Variants in CARD9 observed in about 807,000 individuals in gnomAD.
The protein encoded by CARD9 is caspase recruitment domain family member 9.
A neutral mutation model predicts 66.0 loss-of-function variants in CARD9; 53 were observed. The ratio of observed to expected loss-of-function variants is 0.80; its 90% confidence interval spans 0.64 to 1.01. CARD9 has a LOEUF of 1.01. Ranked by LOEUF, CARD9 falls within the 50% of genes least tolerant of loss-of-function variation. The pLI, the probability that CARD9 is intolerant of heterozygous loss-of-function variation, is 0.00. For synonymous variants in CARD9, 387 were observed against 313.8 expected (o/e 1.23, Z -2.47); for missense variants, 769 against 743.2 (o/e 1.03, Z -0.40).
In CARD9 at chr9:136,372,054, C is replaced by G; in HGVS notation, c.25G>C (p.Glu9Gln). Residue 9 changes from glutamate to glutamine, a missense_variant, in exon 2 of 13, where the codon GAG (glutamate) becomes CAG (glutamine). Coordinates refer to ENST00000371732, the MANE Select transcript of CARD9 (RefSeq NM_052813.5). ...AAGCCCTCCAGGACGCTCCAGCACT[C>G]GTCATCGTTCTCGTAGTCCGACATG... is the stretch of plus-strand genomic sequence containing the variant. MSDYENDDECWSVLEGFRV... is the reference protein window; with the variant it reads MSDYENDDQCWSVLEGFRV... The G allele has an allele frequency of 1.9e-6, 3 of 1,612,714 alleles. No homozygotes were observed. The highest frequency in any genetic ancestry group is 2.5e-6 in the Non-Finnish European group (3 of 1,179,972).
rs1833323490 is a variant in CARD9, at chr9:136,373,473, T to C, written c.-17+59A>G. 5.1e-6 allele frequency: 5 copies of C among 984,860 alleles called. No individual in the cohort carries two copies. The South Asian group carries it at 1.4e-4, about 28-fold the overall frequency. 61.0% of individuals were successfully genotyped at this position (984,860 alleles called of 1,614,324 possible). A position where few individuals can be genotyped will look rare whatever the true frequency, so the allele number is the denominator to read the frequency against. On this transcript the variant is annotated intron_variant, in intron 1 of 12. Transcript: ENST00000371732. ...CTCTGGGGGATCAGTGCCAGGATCC[T>C]GAACTAGGCCAACGCCAACCTTCCT...
In CARD9 at chr9:136,373,628, G is replaced by A. The variant is rs3812557; in HGVS notation, c.-113C>T. 41 of 968,668 alleles carry A rather than the reference G, an allele frequency of 4.2e-5. No homozygotes were observed. In the East Asian group the frequency reaches 2.9e-3, roughly 69 times the overall value. The allele number at this position is 968,668 out of a possible 1,614,324, so 60.0% of individuals were successfully genotyped here. On this transcript the variant is annotated 5_prime_UTR_variant, in exon 1 of 13. Transcript: ENST00000371732. ...GCTGCCCGGGGCTGCAGGGAGGGAG[G>A]AGCACGCCGGACGCCTGTGCACTTC... is the stretch of plus-strand genomic sequence containing the variant.
chr9:136,370,695 G>A lies in CARD9; in HGVS notation c.634C>T (p.Gln212Ter), dbSNP rs1833243808. ...GCCTTCATGAGGCTGTGCTTGAGCT[G>A]GTCAATCTGCAGAAGGTCCAGTGAG... ...RNRDLQLEID[Q>*]LKHSLMKAED... is the part of the protein sequence containing the mutation. Residue 212 changes from glutamine to a stop codon, truncating the protein, a stop_gained, in exon 5 of 13, where the codon CAG becomes TAG. Coordinates refer to ENST00000371732, the MANE Select transcript of CARD9 (RefSeq NM_052813.5). LOFTEE classifies it high-confidence loss of function. 4 of 1,612,608 alleles carry A rather than the reference G, an allele frequency of 2.5e-6. No homozygotes were observed. The highest frequency in any genetic ancestry group is 2.5e-6 in the Non-Finnish European group (3 of 1,179,874).
intron 1 of CARD9, 131 bp from the exon 2 acceptor site, chr9:136,372,225 C>T: frequency 1.6e-6 from 2 of 1,273,792 alleles, no homozygotes; most frequent in Non-Finnish European, 2.2e-6. Context: ...CAGGGGCATC[C>T]AGGAGAGGTG....
intron 1 of CARD9, among the ~76,000 whole-genome samples, chr9:136,372,761 C>T (rs1007777943): frequency 2.0e-5 from 3 of 152,218 alleles, no homozygotes; most frequent in Non-Finnish European, 2.9e-5. Flanking sequence ...CTGCACTGGC[C>T]GGGAAGAGCT....
Position 136,370,830 on chromosome 9 carries a change from A to C in CARD9, c.627+11T>G, listed in dbSNP as rs1833248599. ...GAGGGTGGCCTGGTTTCCCGGGGGCAGCGGGCGCACCTCCAGCTGCAGGTC... is the reference window on the plus strand; with the variant it reads ...GAGGGTGGCCTGGTTTCCCGGGGGCCGCGGGCGCACCTCCAGCTGCAGGTC... On this transcript the variant is annotated intron_variant, in intron 4 of 12. Transcript: ENST00000371732. The C allele has an allele frequency of 1.3e-6, 2 of 1,593,470 alleles. No individual in the cohort carries two copies. The highest frequency in any genetic ancestry group is 1.3e-5 in the African/African-American group (1 of 74,518).
rs574875789 is a variant in CARD9, at chr9:136,373,041, CCTCT to C, written c.-17+487_-17+490del. Among the ~76,000 whole-genome samples the C allele has an allele frequency of 2.6e-4, 39 of 152,354 alleles. No homozygotes were observed. The East Asian group carries it at 3.5e-3, about 14-fold the overall frequency. On this transcript the variant is annotated intron_variant, in intron 1 of 12. Transcript: ENST00000371732. ...GGGCCTCAGCCGCTGAAAGCCACTC[CCTCT>C]GAGACTGGGACTGCGGCAAGGCTGG... is the stretch of plus-strand genomic sequence containing the variant.
chr9:136,370,059 G>A (rs566945950), intron 6 of CARD9, 184 bp from the exon 7 acceptor site: 74 of 1,404,744 alleles, frequency 5.3e-5, no homozygotes, highest in Middle Eastern at 5.2e-4. Context: ...AGGGCCCTCC[G>A]GCAGGCCTCA....
intron 2 of CARD9, 60 bp from the exon 3 acceptor site, chr9:136,371,521 G>T: frequency 2.0e-6 from 3 of 1,479,712 alleles, no homozygotes; most frequent in East Asian, 2.5e-5. Flanking sequence ...GGCTGGGGTG[G>T]GTGGGCCTGG....
intron 7 of CARD9, among the ~76,000 whole-genome samples, chr9:136,368,160 G>A (rs72775750): frequency 0.021 from 3,196 of 152,326 alleles, 74 homozygotes; most frequent in Admixed American, 0.063. Context: ...ATAGCTAAGC[G>A]TCCTTCGTGA....
Position 136,370,568 on chromosome 9 carries a change from T to C in CARD9, c.761A>G (p.Lys254Arg), listed in dbSNP as rs537666229. 3.1e-6 allele frequency: 5 copies of C among 1,611,056 alleles called. No individual in the cohort carries two copies. The South Asian group carries it at 4.4e-5, about 14-fold the overall frequency. The change falls in exon 5 of 13, where the codon AAG becomes AGG. Residue 254 changes from lysine (K) to arginine (R), a missense_variant. Coordinates refer to ENST00000371732, the MANE Select transcript of CARD9 (RefSeq NM_052813.5). ...CTGCACCCGGGCCTGGAGCAGGGCCTTCTCCTGCTGCAGCTCCCACAGCAG... is the reference window on the plus strand; with the variant it reads ...CTGCACCCGGGCCTGGAGCAGGGCCCTCTCCTGCTGCAGCTCCCACAGCAG... The part of the protein sequence containing the change: ...QELLWELQQE[K>R]ALLQARVQEL...
intron 6 of CARD9, 60 bp from the exon 7 acceptor site, chr9:136,369,935 G>C (rs1020044015): frequency 1.2e-6 from 2 of 1,601,992 alleles, no homozygotes; most frequent in East Asian, 4.5e-5. Flanking sequence ...GGCCCTTGGG[G>C]TATACTCCGG....
chr9:136,364,065 C>T lies in CARD9; in HGVS notation c.*237G>A, dbSNP rs1833050202. 2.6e-6 allele frequency: 4 copies of T among 1,545,462 alleles called. No individual in the cohort carries two copies. Among genetic ancestry groups the T allele is most frequent in the Admixed American group, 2.0e-5 (1 of 50,988 alleles). On this transcript the variant is annotated 3_prime_UTR_variant, in exon 13 of 13. Transcript: ENST00000371732. ...AAACAGAACAGATCCTGAAGTTACA[C>T]AGATGGCGTGTGCATGGGGGTGGTG...
At position 136,367,219 on chromosome 9, in the gene CARD9, C is replaced by T. The variant is rs1221275650; in HGVS notation, c.1308G>A (p.Gln436=). The change falls in exon 9 of 13, where the codon CAG becomes CAA. Residue 436 remains glutamine, a synonymous_variant. Transcript: ENST00000371732. The part of the protein sequence containing the change: ...DLEDGSPRRS[Q]ELSLPQDLED... ...TGCTGGCTGGGGTCTCACTCACCTC[C>T]TGGGACCTCCTGGGTGAGCCATCTT... 1 of 1,612,520 alleles carries T rather than the reference C, an allele frequency of 6.2e-7. No individual in the cohort carries two copies. The highest frequency in any genetic ancestry group is 1.7e-5 in the Admixed American group (1 of 59,942).
At chr9:136,366,967 GAGCTTCTC>G in intron 9 of CARD9, 122 bp from the exon 10 acceptor site, 1 of 1,204,890 alleles carries the variant, frequency 8.3e-7, no homozygotes. Context: ...CCCCTGCACA[GAGCTTCTC>G]AGAGACTCAG....
rs937941144 is a variant in CARD9 at position 136,364,533 on chromosome 9, C to T, written c.1461G>A (p.Pro487=). ...TGAGGCGCCGCCGCTCCTTCTCGGGCGGCTCCCCGCTGCTCAGGCCTGCGT... is the reference window on the plus strand; with the variant it reads ...TGAGGCGCCGCCGCTCCTTCTCGGGTGGCTCCCCGCTGCTCAGGCCTGCGT... ...PHDAGLSSGE[P]PEKERRRLKE... The change falls in exon 12 of 13, where the codon CCG becomes CCA. Residue 487 remains proline (P), a synonymous_variant. Transcript: ENST00000371732. 3.0e-5 allele frequency: 46 copies of T among 1,538,862 alleles called. No homozygotes were observed. Among genetic ancestry groups the T allele is most frequent in the Admixed American group, 1.2e-4 (6 of 50,980 alleles).
chr9:136,366,942 A>G, intron 9 of CARD9, 97 bp from the exon 10 acceptor site: 2 of 1,402,726 alleles, frequency 1.4e-6, no homozygotes, highest in Middle Eastern at 1.8e-4. Flanking sequence ...AGCTGGGTGC[A>G]GCCATTGCCG....
At chr9:136,368,103 A>G (rs1564367990) in intron 7 of CARD9, 6 of 1,205,514 alleles carry the variant, frequency 5.0e-6, no homozygotes, top group South Asian at 2.1e-5. Flanking sequence ...ACACGTGCAC[A>G]TTTGATAAAT....
chr9:136,368,463 T>C (rs1833179531), intron 7 of CARD9, among the ~76,000 whole-genome samples: 1 of 152,144 alleles, frequency 6.6e-6, no homozygotes, highest in Non-Finnish European at 1.5e-5. Flanking sequence ...GAGGCTGAGG[T>C]GGGGCTGAGA....
Sources: gnomAD v4.1 joint callset for allele counts (sites outside exome capture counted in the v4.1 genomes callset) on GRCh38, gnomAD v4.1.1 for gene constraint, MANE v1.5 for transcripts, NCBI Gene and HGNC (gene_info 2026-07-23, HGNC 2026-07-21) for gene names.